Variants in CPXM2 observed in about 807,000 individuals in gnomAD.
The protein encoded by CPXM2 is carboxypeptidase X, M14 family member 2, also known as inactive carboxypeptidase-like protein X2.
CPXM2 carries 66 observed loss-of-function variants against 86.1 expected under a neutral mutation model. The ratio of observed to expected loss-of-function variants is 0.77; its 90% CI spans 0.63 to 0.94. The LOEUF is 0.94. Ranked by LOEUF, CPXM2 falls within the 40% of genes least tolerant of loss-of-function variation. CPXM2 has a pLI of 0.00. For synonymous variants in CPXM2, 388 were observed against 400.2 expected, an observed-to-expected ratio of 0.97 and a Z score of 0.36; for missense variants, 948 against 1,026.3, an observed-to-expected ratio of 0.92 and a Z score of 1.04.
chr10:123,784,379 A>G (rs752457862), intron 6 of CPXM2, among the ~76,000 whole-genome samples: 1 of 152,080 alleles, frequency 6.6e-6, no homozygotes, highest in Non-Finnish European at 1.5e-5. Flanking sequence ...GTGGCAGGAT[A>G]AGTTACTCTA....
At chr10:123,830,832 T>A (rs1848149783) in intron 4 of CPXM2, among the ~76,000 whole-genome samples, 1 of 151,106 alleles carries the variant, frequency 6.6e-6, no homozygotes, top group Non-Finnish European at 1.5e-5. Context: ...ACACAACACT[T>A]GAAACATGAG....
At chr10:123,875,520 G>A (rs1336635528) in intron 2 of CPXM2, among the ~76,000 whole-genome samples, 3 of 152,198 alleles carry the variant, frequency 2.0e-5, no homozygotes, top group Non-Finnish European at 2.9e-5. Context: ...ACCCAACTTC[G>A]CCCCAGGGAA....
upstream of CPXM2, among the ~76,000 whole-genome samples, chr10:123,943,697 C>T (rs945653853): frequency 1.3e-5 from 2 of 152,226 alleles, no homozygotes; most frequent in African/African-American, 4.8e-5. Context: ...GAGCCTGTTG[C>T]TGAGATGTTG....
Position 123,909,791 on chromosome 10 carries a change from G to A in CPXM2, n.175-29482C>T, listed in dbSNP as rs138915232. ...CTTCCTGTCATGTTCTCTCAAAGCAGAGACAATGGAGGTGATTTGGGGCTT... is the reference window on the plus strand; with the variant it reads ...CTTCCTGTCATGTTCTCTCAAAGCAAAGACAATGGAGGTGATTTGGGGCTT... On this transcript the variant is annotated intron_variant and non_coding_transcript_variant, in intron 2 of 19. Transcript: ENST00000368854. Among the ~76,000 whole-genome samples, 446 of 152,308 alleles carry A rather than the reference G, an allele frequency of 2.9e-3. 2 individuals are homozygous for A. Among genetic ancestry groups the A allele is most frequent in the African/African-American group, 0.01 (426 of 41,574 alleles).
intron 2 of CPXM2, among the ~76,000 whole-genome samples, chr10:123,899,310 C>A (rs922590329): frequency 7.1e-6 from 1 of 140,404 alleles, no homozygotes; most frequent in Admixed American, 7.8e-5. Flanking sequence ...ATTAAGTAGG[C>A]TTTATTTCAG....
At position 123,783,859 on chromosome 10, in the gene CPXM2, T is replaced by C. The variant is rs1367871793; in HGVS notation, c.890-3604A>G. ...TGTGGTTACTTCTATACCTCCTGTA[T>C]ATGGAAAACTAGCTGATTCCTCTGC... On this transcript the variant is annotated intron_variant, in intron 6 of 13. Coordinates refer to ENST00000241305, the MANE Select transcript of CPXM2 (RefSeq NM_198148.3). 2.6e-5 allele frequency among the ~76,000 whole-genome samples: 4 copies of C among 152,178 alleles called. No homozygotes were observed. The East Asian group carries it at 5.8e-4, about 22-fold the overall frequency.
intron 2 of CPXM2, among the ~76,000 whole-genome samples, chr10:123,898,364 A>C (rs947825217): frequency 6.6e-6 from 1 of 152,224 alleles, no homozygotes; most frequent in Non-Finnish European, 1.5e-5. Flanking sequence ...TGAGGCAAGA[A>C]GATCGCTTAA....
At chr10:123,801,311 C>T (rs1344500882) in intron 4 of CPXM2, among the ~76,000 whole-genome samples, 1 of 152,206 alleles carries the variant, frequency 6.6e-6, no homozygotes, top group African/African-American at 2.4e-5. Context: ...GACATGACTG[C>T]TCCTCTTTCG....
At chr10:123,898,989 A>G (rs1184814541) in intron 2 of CPXM2, among the ~76,000 whole-genome samples, 1 of 152,208 alleles carries the variant, frequency 6.6e-6, no homozygotes, top group Non-Finnish European at 1.5e-5. Flanking sequence ...ACCTCAGGTG[A>G]TCTGCCTGCC....
At chr10:123,793,120 C>A (rs937435790) in intron 6 of CPXM2, among the ~76,000 whole-genome samples, 2 of 152,146 alleles carry the variant, frequency 1.3e-5, no homozygotes, top group African/African-American at 4.8e-5. Flanking sequence ...GGAAAGTAAA[C>A]CATAGAACAT....
intron 2 of CPXM2, among the ~76,000 whole-genome samples, chr10:123,929,399 T>G (rs984079092): frequency 1.5e-4 from 23 of 152,226 alleles, no homozygotes; most frequent in Non-Finnish European, 1.5e-5. Context: ...TCAGCACCAC[T>G]GATGGCTTTA....
At position 123,842,471 on chromosome 10, in the gene CPXM2, A is replaced by G; in HGVS notation, c.531T>C (p.Asn177=). The part of the protein sequence containing the change: ...RLNIQAGINE[N]DFYDGAWCAG... ...CGCACCACGCTCCGTCATAAAAATC[A>G]TTTTCATTAATGCCCGCCTAGAAAG... The change falls in exon 4 of 14, where the codon AAT becomes AAC. Residue 177 remains asparagine (N), a synonymous_variant. Coordinates refer to ENST00000241305, the MANE Select transcript of CPXM2 (RefSeq NM_198148.3). 2.5e-6 allele frequency: 4 copies of G among 1,614,150 alleles called. No individual in the cohort carries two copies. Among genetic ancestry groups the G allele is most frequent in the Non-Finnish European group, 3.4e-6 (4 of 1,180,006 alleles).
intron 2 of CPXM2, among the ~76,000 whole-genome samples, chr10:123,915,415 A>G (rs1377861825): frequency 1.3e-5 from 2 of 152,136 alleles, no homozygotes; most frequent in Non-Finnish European, 2.9e-5. Context: ...AAAATTAACC[A>G]GGCGTGATGG....
chr10:123,756,643 C>T (rs1846219473), intron 12 of CPXM2, among the ~76,000 whole-genome samples: 1 of 146,388 alleles, frequency 6.8e-6, no homozygotes, highest in Non-Finnish European at 1.5e-5. Context: ...TGACTATGTA[C>T]AGACGGAGCC....
chr10:123,836,033 C>T (rs369766356), intron 4 of CPXM2, among the ~76,000 whole-genome samples: 240 of 152,286 alleles, frequency 1.6e-3, no homozygotes, highest in African/African-American at 5.5e-3. Context: ...GCCCTTCTCA[C>T]CTTCCTTTCC....
At position 123,746,788 on chromosome 10, in the gene CPXM2, C is replaced by T; in HGVS notation, c.2247G>A (p.Gly749=). ...SLPARRLKLR[G]QKRRQRG ...GTCACCCACGCTGTCGTCTCTTCTG[C>T]CCCCGCAGCTTCAGCCGCCTGGCTG... Residue 749 remains glycine, a synonymous_variant, in exon 14 of 14, where the codon GGG becomes GGA. Transcript: ENST00000241305. 1.2e-6 allele frequency: 2 copies of T among 1,614,026 alleles called. No individual in the cohort carries two copies. The highest frequency in any genetic ancestry group is 1.1e-5 in the South Asian group (1 of 91,078).
At chr10:123,843,695 G>A (rs1848435589) in intron 3 of CPXM2, among the ~76,000 whole-genome samples, 1 of 152,158 alleles carries the variant, frequency 6.6e-6, no homozygotes. Flanking sequence ...GAAACTAAGA[G>A]TCCAGCTATA....
intron 8 of CPXM2, among the ~76,000 whole-genome samples, chr10:123,769,881 T>C (rs1433069276): frequency 1.3e-5 from 2 of 152,236 alleles, no homozygotes; most frequent in Non-Finnish European, 2.9e-5. Flanking sequence ...CATTTATCAG[T>C]GCTGGGCTCG....
intron 13 of CPXM2, chr10:123,749,980 T>C (rs868722919): frequency 3.8e-6 from 1 of 263,494 alleles, no homozygotes; most frequent in Admixed American, 7.0e-5. Context: ...TAATTTTTGT[T>C]TTTTTTTTTT....
Sources: allele counts gnomAD v4.1 joint callset (sites outside exome capture counted in the v4.1 genomes callset), GRCh38; gene constraint gnomAD v4.1.1; transcripts MANE v1.5; gene names NCBI Gene and HGNC (gene_info 2026-07-23, HGNC 2026-07-21).